CHL1: variants seen among roughly 807,000 people sequenced by gnomAD.
The protein encoded by CHL1 is neural cell adhesion molecule L1-like protein.
A neutral mutation model predicts 141.9 loss-of-function variants in CHL1; 96 were observed. The ratio of observed to expected loss-of-function variants is 0.68; its 90% CI spans 0.57 to 0.80. The LOEUF (loss-of-function observed/expected upper bound fraction) is 0.80, where lower values mean the gene tolerates loss of function less well. CHL1 is among the 30% of genes least tolerant of loss of function. The probability of loss-of-function intolerance (pLI) is 0.00; values close to 1 mark genes in which losing one functional copy is unlikely to be tolerated. For synonymous variants in CHL1, 613 were observed against 502.2 expected (o/e 1.22, Z -2.95); for missense variants, 1,820 against 1,457.2 (o/e 1.25, Z -4.05).
At chr3:398,022 C>T (rs1447521412) in intron 24 of CHL1, among the ~76,000 whole-genome samples, 1 of 152,066 alleles carries the variant, frequency 6.6e-6, no homozygotes, top group East Asian at 1.9e-4. Context: ...AATGGCCATG[C>T]ATTGAGTTCA....
intron 1 of CHL1, among the ~76,000 whole-genome samples, chr3:223,407 G>C (rs1012008989): frequency 1.3e-5 from 2 of 152,068 alleles, no homozygotes; most frequent in African/African-American, 2.4e-5. Flanking sequence ...TTTTATTCTT[G>C]GAGTAATTTA....
intron 1 of CHL1, among the ~76,000 whole-genome samples, chr3:232,391 A>C (rs1240583486): frequency 6.6e-6 from 1 of 152,218 alleles, no homozygotes; most frequent in African/African-American, 2.4e-5. Context: ...TACAATAATT[A>C]GCATATTATT....
At chr3:323,039 G>A (rs992006135) in intron 3 of CHL1, among the ~76,000 whole-genome samples, 5 of 151,882 alleles carry the variant, frequency 3.3e-5, no homozygotes, top group Admixed American at 6.6e-5. Flanking sequence ...TCTGCTATGC[G>A]TCAAAGTATT....
chr3:405,059 G>A (rs1709428339), intron 27 of CHL1, among the ~76,000 whole-genome samples: 1 of 152,126 alleles, frequency 6.6e-6, no homozygotes, highest in East Asian at 1.9e-4. Flanking sequence ...TCATTCACTA[G>A]GGTTCCACCC....
intron 27 of CHL1, among the ~76,000 whole-genome samples, chr3:404,393 C>A (rs1490338726): frequency 6.6e-6 from 1 of 152,104 alleles, no homozygotes; most frequent in Admixed American, 6.6e-5. Context: ...CCAAATGCTT[C>A]ATTGATCAAA....
intron 2 of CHL1, among the ~76,000 whole-genome samples, chr3:255,624 G>C (rs1278343759): frequency 6.6e-6 from 1 of 152,110 alleles, no homozygotes; most frequent in African/African-American, 2.4e-5. Context: ...GATGCAAGTT[G>C]GTATCTAAAA....
At position 354,737 on chromosome 3, in the gene CHL1, A is replaced by G; in HGVS notation, c.1131A>G (p.Thr377=). ...AGGCTGAAGGAGAACCTCAACCCAC[A>G]ATCAAGTGGAGAGTCAATGGCTCCC... The part of the protein sequence containing the change: ...LCEAEGEPQP[T]IKWRVNGSPV... Residue 377 remains threonine, a synonymous_variant, in exon 11 of 28, where the codon ACA becomes ACG. Coordinates refer to ENST00000256509, the MANE Select transcript of CHL1 (RefSeq NM_006614.4). 6.2e-7 allele frequency: 1 copy of G among 1,613,968 alleles called. No individual in the cohort carries two copies. Among genetic ancestry groups the G allele is most frequent in the South Asian group, 1.1e-5 (1 of 91,086 alleles).
chr3:378,179 G>A (rs1047952968), intron 16 of CHL1, among the ~76,000 whole-genome samples: 4 of 152,160 alleles, frequency 2.6e-5, no homozygotes, highest in Non-Finnish European at 4.4e-5. Context: ...AGCAGTGGGA[G>A]GTAAGTGATG....
intron 1 of CHL1, among the ~76,000 whole-genome samples, chr3:201,404 C>G (rs1324835445): frequency 6.6e-6 from 1 of 152,152 alleles, no homozygotes; most frequent in Non-Finnish European, 1.5e-5. Flanking sequence ...AAGGCATTTT[C>G]CTGAAATGTT....
chr3:342,962 TC>T (rs1702455420), intron 7 of CHL1, 21 bp from the exon 8 acceptor site: 2 of 1,591,706 alleles, frequency 1.3e-6, no homozygotes, highest in Non-Finnish European at 1.7e-6. Flanking sequence ...TTGTGTTTTT[TC>T]CTTCCGTTTT....
chr3:382,404 A>T, intron 17 of CHL1, 70 bp from the exon 18 acceptor site: 1 of 1,481,418 alleles, frequency 6.8e-7, no homozygotes, highest in Non-Finnish European at 9.4e-7. Context: ...TTTAATATTG[A>T]GTATAAATTT....
At chr3:302,355 C>T (rs925821258) in intron 2 of CHL1, among the ~76,000 whole-genome samples, 1 of 152,162 alleles carries the variant, frequency 6.6e-6, no homozygotes, top group Non-Finnish European at 1.5e-5. Flanking sequence ...AATTTACACT[C>T]CCACCAACAG....
At chr3:339,284 A>G (rs1170402000) in intron 5 of CHL1, among the ~76,000 whole-genome samples, 1 of 152,196 alleles carries the variant, frequency 6.6e-6, no homozygotes, top group Non-Finnish European at 1.5e-5. Context: ...TGTTTTCCAT[A>G]GCATTTGATG....
intron 19 of CHL1, among the ~76,000 whole-genome samples, chr3:387,397 T>A (rs780066809): frequency 1.6e-4 from 25 of 152,354 alleles, no homozygotes; most frequent in Non-Finnish European, 2.9e-4. Flanking sequence ...TTGAAGAGAT[T>A]ATTTGGGAAA....
At chr3:303,509 G>A (rs1698947547) in intron 2 of CHL1, among the ~76,000 whole-genome samples, 1 of 152,148 alleles carries the variant, frequency 6.6e-6, no homozygotes, top group Non-Finnish European at 1.5e-5. Flanking sequence ...TTGTGAATGG[G>A]AGTTCACTCA....
At chr3:357,643 A>C (rs73103182) in intron 11 of CHL1, among the ~76,000 whole-genome samples, 2,106 of 152,312 alleles carry the variant, frequency 0.014, 63 homozygotes, top group African/African-American at 0.048. Context: ...TTTCTGAAGT[A>C]TGTCAGGACT....
intron 2 of CHL1, among the ~76,000 whole-genome samples, chr3:306,588 CTA>C (rs1699246878): frequency 6.6e-6 from 1 of 151,970 alleles, no homozygotes; most frequent in Admixed American, 6.6e-5. Context: ...GAAAATAAGA[CTA>C]AAGTTTTTTG....
At chr3:260,353 A>G (rs1187220515) in intron 2 of CHL1, among the ~76,000 whole-genome samples, 3 of 152,228 alleles carry the variant, frequency 2.0e-5, no homozygotes, top group African/African-American at 7.2e-5. Context: ...GTATCAAGGC[A>G]TTAGAATATA....
intron 9 of CHL1, among the ~76,000 whole-genome samples, chr3:348,411 G>A (rs1702948487): frequency 6.6e-6 from 1 of 152,150 alleles, no homozygotes; most frequent in African/African-American, 2.4e-5. Flanking sequence ...CTCACTTATA[G>A]AACCTGACTG....
Sources: allele counts gnomAD v4.1 joint callset (sites outside exome capture counted in the v4.1 genomes callset), GRCh38; gene constraint gnomAD v4.1.1; transcripts MANE v1.5; gene names NCBI Gene and HGNC (gene_info 2026-07-23, HGNC 2026-07-21).